CREB5: variants seen among roughly 807,000 people sequenced by gnomAD.
CREB5 encodes cAMP responsive element binding protein 5, also known as cyclic AMP-responsive element-binding protein 5.
Under a neutral mutation model 57.1 loss-of-function variants are expected in CREB5, and 19 were observed. That is an observed-to-expected ratio of 0.33 (90% CI 0.23 to 0.49). The LOEUF is 0.49. Among genes scored for constraint, CREB5 ranks in the 20% least tolerant of loss-of-function variants. CREB5 has a pLI of 0.99. For synonymous variants in CREB5, 238 were observed against 238.3 expected, an observed-to-expected ratio of 1.00 and a Z score of 0.01; for missense variants, 579 against 671.6, an observed-to-expected ratio of 0.86 and a Z score of 1.52.
At position 28,560,929 on chromosome 7, in the gene CREB5, C is replaced by CGT. The variant is rs1425241012; in HGVS notation, c.292-9430_292-9429dup. On this transcript the variant is annotated intron_variant, in intron 4 of 10. Transcript: ENST00000357727. ...GCGTGCGTGTGCGTGTGTGCGCGTG[C>CGT]GTGTGTGCGTGCGTGTGTGTGCGTG... is the stretch of plus-strand genomic sequence containing the variant. Among the ~76,000 whole-genome samples the CGT allele has an allele frequency of 0.016, 495 of 30,384 alleles. 80 individuals carry two copies. The East Asian group carries it at 0.32, about 19-fold the overall frequency. 19.9% of individuals were successfully genotyped at this position (30,384 alleles called of 152,430 possible).
intron 7 of CREB5, among the ~76,000 whole-genome samples, chr7:28,756,755 C>G (rs1294792320): frequency 6.6e-6 from 1 of 152,120 alleles, no homozygotes; most frequent in East Asian, 1.9e-4. Flanking sequence ...TTATTAGTGT[C>G]AGCCACAATG....
intron 7 of CREB5, among the ~76,000 whole-genome samples, chr7:28,755,155 A>G (rs368378915): frequency 6.6e-6 from 1 of 152,226 alleles, no homozygotes; most frequent in Admixed American, 6.5e-5. Context: ...TATAGCCAAG[A>G]GAAAGTGCTT....
At chr7:28,508,510 T>A (rs1012990356) in intron 4 of CREB5, among the ~76,000 whole-genome samples, 6 of 152,146 alleles carry the variant, frequency 3.9e-5, no homozygotes, top group South Asian at 4.1e-4. Flanking sequence ...GAAAGACCAG[T>A]TAGGTAGTAA....
chr7:28,537,301 T>TC (rs755256279), intron 4 of CREB5, among the ~76,000 whole-genome samples: 5 of 152,160 alleles, frequency 3.3e-5, no homozygotes, highest in Admixed American at 6.5e-5. Context: ...ACCCATTTTT[T>TC]CCCCAATAAA....
At chr7:28,522,128 A>G (rs941581002) in intron 4 of CREB5, among the ~76,000 whole-genome samples, 1 of 152,226 alleles carries the variant, frequency 6.6e-6, no homozygotes, top group African/African-American at 2.4e-5. Flanking sequence ...ATGAGAAGTT[A>G]AAGCTTAAGA....
intron 4 of CREB5, among the ~76,000 whole-genome samples, chr7:28,516,178 T>G (rs1792942103): frequency 6.6e-6 from 1 of 152,066 alleles, no homozygotes; most frequent in Non-Finnish European, 1.5e-5. Context: ...CGCACCACTG[T>G]ACTCGACTGA....
intron 5 of CREB5, among the ~76,000 whole-genome samples, chr7:28,706,175 C>T (rs905408081): frequency 3.3e-5 from 5 of 152,018 alleles, no homozygotes; most frequent in East Asian, 3.9e-4. Context: ...GCCAACATGG[C>T]GAAACCCCAT....
chr7:28,546,274 T>C (rs1794420578), intron 4 of CREB5, among the ~76,000 whole-genome samples: 3 of 152,242 alleles, frequency 2.0e-5, no homozygotes, highest in Non-Finnish European at 4.4e-5. Flanking sequence ...GTACCACATG[T>C]TGTTTATCCA....
At chr7:28,566,389 G>T (rs536078354) in intron 4 of CREB5, among the ~76,000 whole-genome samples, 1 of 152,322 alleles carries the variant, frequency 6.6e-6, no homozygotes, top group Non-Finnish European at 1.5e-5. Context: ...GCCAAAAGCA[G>T]CTTTGAGGAA....
intron 5 of CREB5, among the ~76,000 whole-genome samples, chr7:28,574,555 C>G (rs1033265294): frequency 2.0e-5 from 3 of 152,178 alleles, no homozygotes; most frequent in African/African-American, 7.2e-5. Context: ...AATTTACACT[C>G]AGTAATTCTT....
At chr7:28,748,619 C>T (rs1804805129) in intron 7 of CREB5, among the ~76,000 whole-genome samples, 1 of 152,186 alleles carries the variant, frequency 6.6e-6, no homozygotes, top group South Asian at 2.1e-4. Context: ...AGAAGAGAGA[C>T]TTCAGTATCT....
chr7:28,807,154 A>G (rs530210869), intron 8 of CREB5, among the ~76,000 whole-genome samples: 87 of 152,338 alleles, frequency 5.7e-4, no homozygotes, highest in Non-Finnish European at 1.0e-3. Flanking sequence ...CAGTTCTAGA[A>G]AATGTCTTTG....
chr7:28,626,445 G>A (rs1797999129), intron 5 of CREB5, among the ~76,000 whole-genome samples: 1 of 152,102 alleles, frequency 6.6e-6, no homozygotes, highest in Non-Finnish European at 1.5e-5. Flanking sequence ...GTGTTATTAT[G>A]ACTATCCCCA....
chr7:28,418,208 C>T (rs965523533), intron 1 of CREB5, among the ~76,000 whole-genome samples: 24 of 152,146 alleles, frequency 1.6e-4, no homozygotes, highest in African/African-American at 5.8e-4. Flanking sequence ...TAGTTATAAC[C>T]TCCTAGACTT....
intron 7 of CREB5, among the ~76,000 whole-genome samples, chr7:28,790,155 T>C (rs927185016): frequency 1.3e-5 from 2 of 152,252 alleles, no homozygotes; most frequent in African/African-American, 4.8e-5. Context: ...TGTTTACAAA[T>C]TGAATTTTAG....
At chr7:28,753,606 A>C (rs1430692463) in intron 7 of CREB5, among the ~76,000 whole-genome samples, 1 of 152,186 alleles carries the variant, frequency 6.6e-6, no homozygotes, top group East Asian at 1.9e-4. Context: ...ATACCTTTAC[A>C]TTTCCTCTTT....
At chr7:28,664,207 A>G (rs1224506839) in intron 5 of CREB5, among the ~76,000 whole-genome samples, 3 of 152,156 alleles carry the variant, frequency 2.0e-5, no homozygotes, top group Admixed American at 1.3e-4. Context: ...CATCATGAAA[A>G]ACAAGTTGAA....
At chr7:28,442,379 C>T (rs986214494) in intron 1 of CREB5, among the ~76,000 whole-genome samples, 3 of 152,072 alleles carry the variant, frequency 2.0e-5, no homozygotes, top group Admixed American at 6.6e-5. Context: ...TCTTAGCTAT[C>T]GTGAATAGTG....
chr7:28,580,582 TGTGTGTGTGTGAGA>T (rs1012332639), intron 5 of CREB5, among the ~76,000 whole-genome samples: 3 of 145,870 alleles, frequency 2.1e-5, no homozygotes, highest in East Asian at 2.1e-4. Context: ...TGTGTGTGTG[TGTGTGTGTGTGAGA>T]GAGAGATAGA....
Sources: allele counts gnomAD v4.1 joint callset (sites outside exome capture counted in the v4.1 genomes callset), GRCh38; gene constraint gnomAD v4.1.1; transcripts MANE v1.5; gene names NCBI Gene and HGNC (gene_info 2026-07-23, HGNC 2026-07-21).